ZBTB20: variants seen among roughly 807,000 people sequenced by gnomAD.
The protein encoded by ZBTB20 is zinc finger and BTB domain-containing protein 20.
ZBTB20 carries 9 observed loss-of-function variants against 56.9 expected under a neutral mutation model. The observed-to-expected ratio is 0.16, with a 90% CI of 0.10 to 0.28. The LOEUF is 0.28. Ranked by LOEUF, ZBTB20 falls within the 10% of genes least tolerant of loss-of-function variation. ZBTB20 has a pLI of 1.00. For synonymous variants in ZBTB20, 417 were observed against 420.7 expected, an observed-to-expected ratio of 0.99 and a Z score of 0.11; for missense variants, 655 against 1,003.0, an observed-to-expected ratio of 0.65 and a Z score of 4.69.
intron 1 of ZBTB20, among the ~76,000 whole-genome samples, chr3:115,113,957 T>C (rs1269209385): frequency 6.6e-6 from 1 of 152,086 alleles, no homozygotes; most frequent in African/African-American, 2.4e-5. Context: ...TGTCTTGGCA[T>C]TGATTAATAT....
intron 6 of ZBTB20, among the ~76,000 whole-genome samples, chr3:114,682,788 T>C (rs2062062712): frequency 6.6e-6 from 1 of 152,204 alleles, no homozygotes. Context: ...AATAGAACTT[T>C]ACATCCATAA....
rs972554094 is a variant in ZBTB20, at chr3:114,325,930, T to C, written c.*13075A>G. 2.0e-5 allele frequency: 3 copies of C among 152,070 alleles called. No individual in the cohort carries two copies. Among genetic ancestry groups the C allele is most frequent in the African/African-American group, 7.2e-5 (3 of 41,398 alleles). The allele number at this position is 152,070 out of a possible 1,614,324, so 9.4% of individuals were successfully genotyped here. ...TTCTTTTGTGGTGGAGGGGTATAGATGGGTGAAGTACTGGCAATGCAGTGC... is the reference window on the plus strand; with the variant it reads ...TTCTTTTGTGGTGGAGGGGTATAGACGGGTGAAGTACTGGCAATGCAGTGC... On this transcript the variant is annotated 3_prime_UTR_variant, in exon 12 of 12. Transcript: ENST00000675478.
intron 6 of ZBTB20, among the ~76,000 whole-genome samples, chr3:114,666,494 T>A (rs2061061348): frequency 6.6e-6 from 1 of 152,052 alleles, no homozygotes; most frequent in Non-Finnish European, 1.5e-5. Flanking sequence ...AGAAGTGTGA[T>A]CTTTCTTTGC....
At chr3:114,997,890 T>C (rs909696148) in intron 2 of ZBTB20, among the ~76,000 whole-genome samples, 2 of 148,268 alleles carry the variant, frequency 1.3e-5, no homozygotes, top group Non-Finnish European at 2.9e-5. Flanking sequence ...GATGATAATG[T>C]AGTCTGCTGG....
At chr3:114,773,954 T>C (rs1355071423) in intron 5 of ZBTB20, among the ~76,000 whole-genome samples, 1 of 152,230 alleles carries the variant, frequency 6.6e-6, no homozygotes, top group Non-Finnish European at 1.5e-5. Context: ...TCATATTTTT[T>C]ACACAGCTAG....
chr3:114,951,357 C>G (rs1474698826), intron 3 of ZBTB20, among the ~76,000 whole-genome samples: 2 of 151,788 alleles, frequency 1.3e-5, no homozygotes, highest in Admixed American at 6.6e-5. Context: ...TAAAGGGGAG[C>G]TCCAGGAAAA....
At chr3:114,491,955 TA>T (rs1272987933) in intron 7 of ZBTB20, among the ~76,000 whole-genome samples, 1 of 152,158 alleles carries the variant, frequency 6.6e-6, no homozygotes, top group Non-Finnish European at 1.5e-5. Flanking sequence ...AAGCAATATA[TA>T]TTTGTTAGTC....
intron 4 of ZBTB20, among the ~76,000 whole-genome samples, chr3:114,843,411 G>T (rs1579115839): frequency 6.6e-6 from 1 of 152,058 alleles, no homozygotes; most frequent in African/African-American, 2.4e-5. Flanking sequence ...ATACAGTAGA[G>T]AAAAATCATC....
chr3:114,528,597 G>A (rs1475497324), intron 6 of ZBTB20: 1 of 152,040 alleles, frequency 6.6e-6, no homozygotes, highest in African/African-American at 2.4e-5. Flanking sequence ...CATATTTAAG[G>A]TTTAAAAATG....
At chr3:115,056,697 A>G (rs568433872) in intron 2 of ZBTB20, among the ~76,000 whole-genome samples, 67 of 152,272 alleles carry the variant, frequency 4.4e-4, no homozygotes, top group African/African-American at 1.5e-3. Flanking sequence ...TCTTCTGTTT[A>G]TATCCAGAAA....
rs544503197 is a variant in ZBTB20, at chr3:114,889,394, G to C, written c.-417+10910C>G. ...TTAATTAGTCACCAAATATTCTAAA[G>C]GTGGGAACAAAAGGTTCTTACAACT... On this transcript the variant is annotated intron_variant, in intron 4 of 11. Transcript: ENST00000675478. 2.3e-3 allele frequency among the ~76,000 whole-genome samples: 350 copies of C among 151,962 alleles called. 1 individual carries two copies. Among genetic ancestry groups the C allele is most frequent in the African/African-American group, 8.0e-3 (331 of 41,512 alleles).
chr3:114,482,098 T>A (rs1224826427), intron 7 of ZBTB20, among the ~76,000 whole-genome samples: 1 of 152,106 alleles, frequency 6.6e-6, no homozygotes, highest in Admixed American at 6.5e-5. Context: ...TGTCTAGGAC[T>A]ATGGACTTAA....
intron 6 of ZBTB20, among the ~76,000 whole-genome samples, chr3:114,627,072 A>C (rs2058695105): frequency 6.6e-6 from 1 of 152,166 alleles, no homozygotes; most frequent in African/African-American, 2.4e-5. Context: ...GTCAAGCATT[A>C]TCTTCTCTTA....
chr3:114,788,664 T>C (rs935558315), intron 5 of ZBTB20, among the ~76,000 whole-genome samples: 1 of 152,178 alleles, frequency 6.6e-6, no homozygotes, highest in Non-Finnish European at 1.5e-5. Context: ...TCAAGTCATA[T>C]TCTGACACTC....
chr3:115,078,406 C>T (rs1381254721), intron 1 of ZBTB20, among the ~76,000 whole-genome samples: 3 of 152,050 alleles, frequency 2.0e-5, no homozygotes, highest in Admixed American at 2.0e-4. Context: ...TTCATCCTCA[C>T]AACTCCTCAG....
chr3:114,972,849 TCACA>T (rs2077943994), intron 3 of ZBTB20, among the ~76,000 whole-genome samples: 1 of 151,844 alleles, frequency 6.6e-6, no homozygotes, highest in South Asian at 2.1e-4. Flanking sequence ...TCTGTCTCTC[TCACA>T]GACACACACA....
chr3:114,850,903 T>C (rs757231012), intron 4 of ZBTB20, among the ~76,000 whole-genome samples: 2 of 152,138 alleles, frequency 1.3e-5, no homozygotes, highest in Non-Finnish European at 2.9e-5. Flanking sequence ...GAGCCACTCA[T>C]CTAGTCTAAA....
intron 4 of ZBTB20, among the ~76,000 whole-genome samples, chr3:114,810,807 C>CG (rs961859264): frequency 7.3e-5 from 11 of 151,638 alleles, no homozygotes; most frequent in Non-Finnish European, 8.8e-5. Context: ...TGTGGGGTGG[C>CG]GGGGGGGAAG....
chr3:114,706,348 TTAA>T (rs1443918175), intron 5 of ZBTB20, among the ~76,000 whole-genome samples: 17 of 152,314 alleles, frequency 1.1e-4, no homozygotes, highest in African/African-American at 4.1e-4. Flanking sequence ...TTCTCTTGTA[TTAA>T]TGATACATAA....
Sources: allele counts gnomAD v4.1 joint callset (sites outside exome capture counted in the v4.1 genomes callset), GRCh38; gene constraint gnomAD v4.1.1; transcripts MANE v1.5; gene names NCBI Gene and HGNC (gene_info 2026-07-23, HGNC 2026-07-21).